Variants in IHO1 observed in about 807,000 individuals in gnomAD.
IHO1 encodes the protein interactor of HORMAD1 1.
IHO1 carries 13 observed loss-of-function variants against 31.0 expected under a neutral mutation model. The observed-to-expected ratio is 0.42, with a 90% confidence interval of 0.27 to 0.67. The LOEUF is 0.67. IHO1 is among the 30% of genes least tolerant of loss of function. The pLI, the probability that IHO1 is intolerant of heterozygous loss-of-function variation, is 0.24. For synonymous variants in IHO1, 221 were observed against 248.4 expected, an observed-to-expected ratio of 0.89 and a Z score of 1.04; for missense variants, 599 against 687.5, an observed-to-expected ratio of 0.87 and a Z score of 1.44.
Position 49,256,694 on chromosome 3 carries a change from C to A in IHO1, c.1197C>A (p.Asn399Lys). ...CACAGCTCACATCATTGGAGATAAA[C>A]TTTTCAACCAGCATTAAGAATGCCT... Reference protein sequence around the residue: ...GASQLTSLEINFSTSIKNACQ... With the variant: ...GASQLTSLEIKFSTSIKNACQ... Residue 399 changes from asparagine to lysine, a missense_variant, in exon 8 of 8, where the codon AAC (asparagine) becomes AAA (lysine). Coordinates refer to ENST00000452691, the MANE Select transcript of IHO1 (RefSeq NM_001135197.2). This position sits in a 1 kb window ranked among gnomAD's most constrained non-coding sequence, Gnocchi z 4.6. The A allele has an allele frequency of 6.2e-7, 1 of 1,614,224 alleles. No homozygotes were observed. The highest frequency in any genetic ancestry group is 8.5e-7 in the Non-Finnish European group (1 of 1,180,034).
At chr3:49,250,939 G>A (rs974585323) in intron 6 of IHO1, among the ~76,000 whole-genome samples, 1 of 151,820 alleles carries the variant, frequency 6.6e-6, no homozygotes, top group East Asian at 2.0e-4. Flanking sequence ...CAGGAGAATC[G>A]CTTGAACCCT....
chr3:49,218,489 C>T (rs1476034547), intron 2 of IHO1, among the ~76,000 whole-genome samples: 2 of 140,094 alleles, frequency 1.4e-5, no homozygotes, highest in South Asian at 4.6e-4. Context: ...TCTAGTGATT[C>T]TCTTGCCTCA....
At chr3:49,223,611 A>C (rs2107702416) in intron 2 of IHO1, among the ~76,000 whole-genome samples, 1 of 152,136 alleles carries the variant, frequency 6.6e-6, no homozygotes, top group African/African-American at 2.4e-5. Flanking sequence ...GAATGGCGCG[A>C]ACCCGGGAGG....
intron 6 of IHO1, among the ~76,000 whole-genome samples, chr3:49,249,995 C>T (rs1470278736): frequency 6.6e-6 from 1 of 152,194 alleles, no homozygotes. Flanking sequence ...ATCATCTTAA[C>T]AGGAAAACAG....
chr3:49,215,487 C>T (rs1207557358), intron 2 of IHO1, among the ~76,000 whole-genome samples: 1 of 152,132 alleles, frequency 6.6e-6, no homozygotes, highest in Non-Finnish European at 1.5e-5. Context: ...GATGGTGTTA[C>T]CCATATTATA....
At chr3:49,202,546 T>TGTGTGTGTG (rs2046083019) in intron 1 of IHO1, among the ~76,000 whole-genome samples, 1 of 141,706 alleles carries the variant, frequency 7.1e-6, no homozygotes, top group Non-Finnish European at 1.5e-5. Flanking sequence ...TGTGTGTGTG[T>TGTGTGTGTG]TTCATATTTT....
intron 2 of IHO1, among the ~76,000 whole-genome samples, chr3:49,221,562 C>A (rs1178478281): frequency 6.6e-6 from 1 of 152,180 alleles, no homozygotes; most frequent in African/African-American, 2.4e-5. Flanking sequence ...TGGGTGATGA[C>A]CGCTATAGCT....
chr3:49,240,798 C>A (rs1237799864), intron 3 of IHO1, among the ~76,000 whole-genome samples: 2 of 152,172 alleles, frequency 1.3e-5, no homozygotes, highest in African/African-American at 4.8e-5. Flanking sequence ...AGTGGCTCAC[C>A]ATTTGTCAGC....
chr3:49,243,298 A>T (rs2046653398), intron 4 of IHO1, among the ~76,000 whole-genome samples: 1 of 152,020 alleles, frequency 6.6e-6, no homozygotes, highest in Non-Finnish European at 1.5e-5. Context: ...GCGTGACACC[A>T]TGCCCAGCTA....
chr3:49,244,050 G>T (rs1275346733), intron 4 of IHO1, among the ~76,000 whole-genome samples: 1 of 151,294 alleles, frequency 6.6e-6, no homozygotes, highest in Non-Finnish European at 1.5e-5. Flanking sequence ...CGCCTCCCAG[G>T]TTCAAGGAAT....
At chr3:49,204,346 C>T (rs1005502887) in intron 1 of IHO1, among the ~76,000 whole-genome samples, 4 of 152,114 alleles carry the variant, frequency 2.6e-5, no homozygotes, top group African/African-American at 9.7e-5. Context: ...ACTAGTTCTG[C>T]AGGGCTGGCT....
chr3:49,237,121 A>C (rs1303707823), intron 3 of IHO1, among the ~76,000 whole-genome samples: 1 of 151,922 alleles, frequency 6.6e-6, no homozygotes, highest in African/African-American at 2.4e-5. Flanking sequence ...AGGCCGAGGC[A>C]GGTGGATCAC....
At chr3:49,222,064 T>A (rs529134410) in intron 2 of IHO1, among the ~76,000 whole-genome samples, 2 of 152,316 alleles carry the variant, frequency 1.3e-5, no homozygotes, top group East Asian at 3.9e-4. Context: ...CCAAAGAGTC[T>A]ATTTGGGATT....
chr3:49,194,279 AAAAG>A (rs1279929233), upstream of IHO1, among the ~76,000 whole-genome samples: 1 of 122,198 alleles, frequency 8.2e-6, no homozygotes, highest in African/African-American at 3.1e-5. Context: ...AAAAAAAAAA[AAAAG>A]TACAAAGTGT....
chr3:49,195,008 G>A (rs947909172), upstream of IHO1, among the ~76,000 whole-genome samples: 1 of 151,134 alleles, frequency 6.6e-6, no homozygotes, highest in South Asian at 2.1e-4. Context: ...CCCAGCACTT[G>A]GGGAGGCCAA....
At chr3:49,213,905 GA>G in intron 2 of IHO1, 1 of 354,488 alleles carries the variant, frequency 2.8e-6, no homozygotes, top group South Asian at 2.0e-5. Flanking sequence ...GCGACAGGCT[GA>G]AGGGCTCCTC....
chr3:49,203,017 C>T (rs1329424880), intron 1 of IHO1, among the ~76,000 whole-genome samples: 1 of 152,026 alleles, frequency 6.6e-6, no homozygotes, highest in Non-Finnish European at 1.5e-5. Context: ...CGCCCGCCAC[C>T]GCGCCCGGCC....
chr3:49,234,893 C>CAGTGGAG lies in IHO1; in HGVS notation c.57-1655_57-1654insAGTGGAG, dbSNP rs1388134815. On this transcript the variant is annotated intron_variant, in intron 2 of 7. Transcript: ENST00000452691. ...ACTGAGTCTCACTGTATCACCCAGG[C>CAGTGGAG]TGGAGTGCAGTGGCACAATCTCGGC... 3.9e-5 allele frequency among the ~76,000 whole-genome samples: 6 copies of CAGTGGAG among 151,968 alleles called. No homozygotes were observed. The South Asian group carries it at 6.2e-4, about 16-fold the overall frequency.
chr3:49,214,323 T>C (rs1275802107), intron 2 of IHO1, among the ~76,000 whole-genome samples: 2 of 152,068 alleles, frequency 1.3e-5, no homozygotes, highest in Non-Finnish European at 2.9e-5. Flanking sequence ...ATTGAGGTAT[T>C]GTCCTCTCAA....
Sources: gnomAD v4.1 joint callset for allele counts (sites outside exome capture counted in the v4.1 genomes callset) on GRCh38, gnomAD v4.1.1 for gene constraint, Gnocchi (gnomAD v3.1) non-coding constraint, MANE v1.5 for transcripts, NCBI Gene and HGNC (gene_info 2026-07-23, HGNC 2026-07-21) for gene names.